Variants in PYGB observed in about 807,000 individuals in gnomAD.
PYGB encodes the protein glycogen phosphorylase, brain form.
Under a neutral mutation model 94.3 loss-of-function variants are expected in PYGB, and 82 were observed. The ratio of observed to expected loss-of-function variants is 0.87; its 90% CI spans 0.73 to 1.04. PYGB has a LOEUF of 1.04. Ranked by LOEUF, PYGB falls within the 50% of genes least tolerant of loss-of-function variation. PYGB has a pLI of 0.00. For synonymous variants in PYGB, 488 were observed against 479.1 expected (o/e 1.02, Z -0.24); for missense variants, 1,132 against 1,158.2 (o/e 0.98, Z 0.33).
intron 18 of PYGB, 28 bp from the exon 19 acceptor site, chr20:25,295,576 T>C: frequency 6.2e-7 from 1 of 1,606,874 alleles, no homozygotes; most frequent in East Asian, 2.2e-5. Flanking sequence ...CCTGCTGCCC[T>C]GGCCCAGCCT....
chr20:25,288,982 T>C lies in PYGB; in HGVS notation c.1827+499T>C, dbSNP rs142245564. On this transcript the variant is annotated intron_variant, in intron 15 of 19. Coordinates refer to ENST00000216962, the MANE Select transcript of PYGB (RefSeq NM_002862.4). ...TGTTTCCCTAGTAGCTTGGTCTTTA[T>C]CCAGAACTGTGAGGCTGCTGTGGGG... 9.0e-3 allele frequency among the ~76,000 whole-genome samples: 1,368 copies of C among 152,346 alleles called. 5 individuals are homozygous for C. The highest frequency in any genetic ancestry group is 0.014 in the Non-Finnish European group (976 of 68,024).
At chr20:25,294,591 CA>C (rs1165878761) in intron 18 of PYGB, among the ~76,000 whole-genome samples, 3 of 152,198 alleles carry the variant, frequency 2.0e-5, no homozygotes, top group African/African-American at 2.4e-5. Flanking sequence ...TTGGAGGTCC[CA>C]GGGGCAGCCG....
In PYGB at chr20:25,290,429, A is replaced by G; in HGVS notation, c.1828-52A>G. 4 of 1,585,352 alleles carry G rather than the reference A, an allele frequency of 2.5e-6. No individual in the cohort carries two copies. The South Asian group carries it at 4.4e-5, about 18-fold the overall frequency. On this transcript the variant is annotated intron_variant, in intron 15 of 19. Transcript: ENST00000216962. ...ACCCCAGGAACCAGGAGCGCCTCCA[A>G]GGGCCTGAACAAGGCATTTTTGTGC...
chr20:25,273,383 G>T (rs1385128812), intron 4 of PYGB, among the ~76,000 whole-genome samples: 1 of 152,214 alleles, frequency 6.6e-6, no homozygotes, highest in Non-Finnish European at 1.5e-5. Context: ...GTGCGGAGGG[G>T]CCTCCGGAAG....
chr20:25,290,740 G>C, intron 16 of PYGB, 118 bp downstream of exon 16: 1 of 1,404,404 alleles, frequency 7.1e-7, no homozygotes, highest in South Asian at 1.3e-5. Flanking sequence ...CCCAGACCTA[G>C]CCAGCCGGGC....
chr20:25,268,424 C>T (rs1290556966), intron 2 of PYGB, among the ~76,000 whole-genome samples: 3 of 149,890 alleles, frequency 2.0e-5, no homozygotes, highest in African/African-American at 7.4e-5. Context: ...TGTTTATGTT[C>T]ATAAACATGT....
intron 18 of PYGB, chr20:25,295,112 C>A (rs1490120910): frequency 7.9e-6 from 11 of 1,390,978 alleles, no homozygotes; most frequent in Middle Eastern, 1.8e-4. Context: ...AACAGAAATG[C>A]ATTTGTAGAT....
chr20:25,262,665 TTG>T (rs2092916200), intron 2 of PYGB, among the ~76,000 whole-genome samples: 10 of 147,778 alleles, frequency 6.8e-5, no homozygotes, highest in African/African-American at 2.4e-4. Context: ...ATGCTCCATT[TTG>T]ACTTGACTGG....
chr20:25,278,933 C>A, intron 8 of PYGB, 124 bp from the exon 9 acceptor site: 1 of 901,130 alleles, frequency 1.1e-6, no homozygotes. Context: ...TCCCTGTTCT[C>A]CAGGCTTCTC....
intron 16 of PYGB, among the ~76,000 whole-genome samples, chr20:25,292,198 A>C (rs763055400): frequency 6.6e-6 from 1 of 152,182 alleles, no homozygotes; most frequent in Non-Finnish European, 1.5e-5. Context: ...AGGATGCCCC[A>C]GTCACGAAGG....
intron 13 of PYGB, 63 bp from the exon 14 acceptor site, chr20:25,284,041 C>T (rs1018356305): frequency 5.7e-6 from 9 of 1,584,910 alleles, no homozygotes; most frequent in Non-Finnish European, 6.9e-6. Context: ...AGCAGGAAGC[C>T]GCAGGGTCAG....
At chr20:25,285,508 GC>G (rs2088410168) in intron 14 of PYGB, 1 of 151,856 alleles carries the variant, frequency 6.6e-6, no homozygotes, top group Non-Finnish European at 1.5e-5. Context: ...TCTATTGTTG[GC>G]CTTCAGGCTT....
chr20:25,271,796 G>A (rs960420215), intron 4 of PYGB, among the ~76,000 whole-genome samples: 3 of 152,326 alleles, frequency 2.0e-5, no homozygotes, highest in African/African-American at 4.8e-5. Flanking sequence ...AGTAGCAGCC[G>A]GGCAGTGAGG....
chr20:25,290,686 G>C, intron 16 of PYGB, 64 bp downstream of exon 16: 2 of 1,574,728 alleles, frequency 1.3e-6, no homozygotes, highest in East Asian at 2.3e-5. Flanking sequence ...CGTTGTACTG[G>C]CCCCGGGCCT....
At chr20:25,294,876 G>C in intron 18 of PYGB, 1 of 1,389,392 alleles carries the variant, frequency 7.2e-7, no homozygotes, top group South Asian at 1.2e-5. Flanking sequence ...ATCCGGCGAG[G>C]GCTGGGAATT....
At chr20:25,279,759 AT>A (rs556402619) in intron 9 of PYGB, among the ~76,000 whole-genome samples, 2 of 151,680 alleles carry the variant, frequency 1.3e-5, no homozygotes, top group Non-Finnish European at 2.9e-5. Context: ...CCATAAAACG[AT>A]TTTTTTTAAC....
chr20:25,296,548 C>T lies in PYGB; in HGVS notation c.*26C>T, dbSNP rs200991582. 22 of 1,590,976 alleles carry T rather than the reference C, an allele frequency of 1.4e-5. No homozygotes were observed. Among genetic ancestry groups the T allele is most frequent in the Middle Eastern group, 1.7e-4 (1 of 5,910 alleles). On this transcript the variant is annotated 3_prime_UTR_variant, in exon 20 of 20. Transcript: ENST00000216962. ...GCACACCCTGCCTTGGCGGGACCAG[C>T]GGGCATTTGTTTTCTTGCTGACTTT...
intron 4 of PYGB, among the ~76,000 whole-genome samples, chr20:25,272,748 C>A (rs536046988): frequency 6.6e-6 from 1 of 152,324 alleles, no homozygotes; most frequent in East Asian, 1.9e-4. Flanking sequence ...CTGCCCCAGC[C>A]CTCCGCGTGC....
intron 3 of PYGB, among the ~76,000 whole-genome samples, chr20:25,269,677 G>C (rs2088249223): frequency 6.6e-6 from 1 of 152,186 alleles, no homozygotes; most frequent in Non-Finnish European, 1.5e-5. Context: ...GGTCACCACT[G>C]TCTTCCTGTG....
Sources: gnomAD v4.1 joint callset for allele counts (sites outside exome capture counted in the v4.1 genomes callset) on GRCh38, gnomAD v4.1.1 for gene constraint, MANE v1.5 for transcripts, NCBI Gene and HGNC (gene_info 2026-07-23, HGNC 2026-07-21) for gene names.